Variants in ABCB4 observed in about 807,000 individuals in gnomAD.
ABCB4 encodes phosphatidylcholine translocator ABCB4.
ABCB4 carries 76 observed loss-of-function variants against 145.7 expected under a neutral mutation model. The ratio of observed to expected loss-of-function variants is 0.52; its 90% confidence interval spans 0.43 to 0.63. ABCB4 has a LOEUF of 0.63. ABCB4 is among the 30% of genes least tolerant of loss of function. ABCB4 has a pLI of 0.00. For missense variants in ABCB4, 1,234 were observed against 1,553.1 expected (o/e 0.79, Z 3.45); for synonymous variants, 517 against 566.8 (o/e 0.91, Z 1.25).
At chr7:87,416,893 C>T (rs1809011974) in intron 21 of ABCB4, among the ~76,000 whole-genome samples, 2 of 152,208 alleles carry the variant, frequency 1.3e-5, no homozygotes, top group Admixed American at 1.3e-4. Context: ...CTGGTGGCTG[C>T]CATCTTAATT....
chr7:87,475,960 G>C (rs2071645), upstream of ABCB4, among the ~76,000 whole-genome samples: 45,046 of 152,102 alleles, frequency 0.3, 8,831 homozygotes, highest in African/African-American at 0.56. Flanking sequence ...CCGAGATCAG[G>C]CTGGAGCCTC....
intron 21 of ABCB4, 69 bp downstream of exon 21, chr7:87,417,243 T>C: frequency 7.0e-7 from 1 of 1,436,080 alleles, no homozygotes; most frequent in Non-Finnish European, 9.8e-7. Context: ...CATATCATGA[T>C]AAATAATTCA....
intron 10 of ABCB4, 110 bp downstream of exon 10, chr7:87,444,752 G>A: frequency 2.7e-6 from 2 of 745,038 alleles, no homozygotes; most frequent in Admixed American, 4.5e-5. Flanking sequence ...TGTCACTTTA[G>A]TCAGTACAAC....
the ABCB4 span, among the ~76,000 whole-genome samples, chr7:87,373,940 T>C: frequency 1.7e-4 from 26 of 152,058 alleles, no homozygotes; most frequent in Admixed American, 1.7e-3. Flanking sequence ...GTGTCAAACA[T>C]TCTATAATGA....
At chr7:87,474,407 A>C (rs368593992) in intron 2 of ABCB4, among the ~76,000 whole-genome samples, 1 of 152,350 alleles carries the variant, frequency 6.6e-6, no homozygotes, top group African/African-American at 2.4e-5. Context: ...TGGTGCTTAG[A>C]AGAAATACAG....
At chr7:87,446,127 G>A (rs1009590007) in intron 9 of ABCB4, among the ~76,000 whole-genome samples, 9 of 152,136 alleles carry the variant, frequency 5.9e-5, no homozygotes, top group African/African-American at 1.9e-4. Context: ...TCACCAAGTC[G>A]AACACCCACA....
Position 87,431,536 on chromosome 7 carries a change from T to C in ABCB4, c.1761A>G (p.Ile587Met). 1 of 1,614,126 alleles carries C rather than the reference T, an allele frequency of 6.2e-7. No homozygotes were observed. Among genetic ancestry groups the C allele is most frequent in the Non-Finnish European group, 8.5e-7 (1 of 1,179,982 alleles). Residue 587 changes from isoleucine (I) to methionine (M), a missense_variant, in exon 15 of 28, where the codon ATA becomes ATG. Transcript: ENST00000649586. The part of the protein sequence containing the change: ...KAREGRTTIV[I>M]AHRLSTVRNA... ...TTCGGACCGTAGACAGTCGGTGTGC[T>C]ATCACAATGGTGGTCCGGCCTTCTC...
chr7:87,368,050 G>A, the ABCB4 span, among the ~76,000 whole-genome samples: 9 of 152,028 alleles, frequency 5.9e-5, no homozygotes, highest in South Asian at 2.1e-4. Flanking sequence ...CAGTATAATC[G>A]GGTCTCAACC....
intron 14 of ABCB4, among the ~76,000 whole-genome samples, chr7:87,431,816 G>T (rs954410256): frequency 2.2e-4 from 34 of 152,322 alleles, no homozygotes; most frequent in African/African-American, 7.9e-4. Flanking sequence ...CTATGGTAGT[G>T]TCAGTGTTTA....
Position 87,440,416 on chromosome 7 carries a change from A to T in ABCB4, c.1357-14T>A. ...ATCAATGTTAATCTGAAAGAAAGAA[A>T]TATTTCCTATTAAGTATTTAACCAT... is the stretch of plus-strand genomic sequence containing the variant. On this transcript the variant is annotated splice_polypyrimidine_tract_variant and intron_variant, in intron 12 of 27. Transcript: ENST00000649586. 1 of 1,608,934 alleles carries T rather than the reference A, an allele frequency of 6.2e-7. No homozygotes were observed. The highest frequency in any genetic ancestry group is 8.5e-7 in the Non-Finnish European group (1 of 1,175,518).
chr7:87,444,936 G>T lies in ABCB4; in HGVS notation c.1045C>A (p.Gln349Lys). 6.2e-7 allele frequency: 1 copy of T among 1,606,656 alleles called. No individual in the cohort carries two copies. ...AAAGCATCAATACATGGGGCAGCCT[G>T]GCCAACACTGAAAGCTCCAATTAGG... is the stretch of plus-strand genomic sequence containing the variant. ...SILIGAFSVGQAAPCIDAFAN... is the reference protein window; with the variant it reads ...SILIGAFSVGKAAPCIDAFAN... Residue 349 changes from glutamine (Q) to lysine (K), a missense_variant, in exon 10 of 28, where the codon CAG becomes AAG. This residue lies in a region of ABCB4 where 467 missense variants were observed against 632.8 expected (regional missense o/e 0.74). Transcript: ENST00000649586.
In ABCB4 at chr7:87,439,802, C is replaced by A; in HGVS notation, c.1596G>T (p.Gln532His). 6.2e-7 allele frequency: 1 copy of A among 1,614,216 alleles called. No homozygotes were observed. The highest frequency in any genetic ancestry group is 8.5e-7 in the Non-Finnish European group (1 of 1,180,026). ...TCCTCTGCTTCTGCCCACCACTCAG[C>A]TGGGCCCCTCTCTCTCCAACCAGGG... Reference protein sequence around the residue: ...FDTLVGERGAQLSGGQKQRIA... With the variant: ...FDTLVGERGAHLSGGQKQRIA... Residue 532 changes from glutamine (Q) to histidine (H), a missense_variant, in exon 14 of 28, where the codon CAG (glutamine) becomes CAT (histidine). Physicochemically the swap from Gln to His is conservative, Grantham distance 24. Transcript: ENST00000649586.
the ABCB4 span, chr7:87,392,646 T>TACA: frequency 6.2e-7 from 1 of 1,612,478 alleles, no homozygotes; most frequent in Non-Finnish European, 8.5e-7. Flanking sequence ...CTGGAAAAGG[T>TACA]ACTTAAGTTA....
At chr7:87,405,053 A>G (rs1221082570) in intron 26 of ABCB4, among the ~76,000 whole-genome samples, 1 of 152,242 alleles carries the variant, frequency 6.6e-6, no homozygotes, top group East Asian at 1.9e-4. Flanking sequence ...GAATTCATAC[A>G]GAAACCTGTA....
Position 87,475,645 on chromosome 7 carries a change from C to A in ABCB4, c.-18G>T, listed in dbSNP as rs886062461. ...CGGACCTCTCTCACCTCGAACCTCG[C>A]GCGTGTCTGGCAGGGCCTCTGGACG... On this transcript the variant is annotated 5_prime_UTR_variant, in exon 1 of 28. Coordinates refer to ENST00000649586, the MANE Select transcript of ABCB4 (RefSeq NM_000443.4). The A allele has an allele frequency of 1.3e-4, 85 of 665,332 alleles. No individual in the cohort carries two copies. The highest frequency in any genetic ancestry group is 2.7e-5 in the Non-Finnish European group (10 of 377,346). The allele number at this position is 665,332 out of a possible 1,614,324, so 41.2% of individuals were successfully genotyped here. A position where few individuals can be genotyped will look rare whatever the true frequency, so the allele number is the denominator to read the frequency against.
At chr7:87,409,585 G>A (rs922139299) in intron 23 of ABCB4, among the ~76,000 whole-genome samples, 193 bp from the exon 24 acceptor site, 3 of 152,148 alleles carry the variant, frequency 2.0e-5, no homozygotes, top group African/African-American at 7.2e-5. Flanking sequence ...CACTTCCTGA[G>A]GGTTTACCTT....
downstream of ABCB4, chr7:87,398,441 A>G (rs1584657345): frequency 1.3e-6 from 2 of 1,496,994 alleles, no homozygotes; most frequent in East Asian, 2.3e-5. Context: ...ATGAATATCC[A>G]GATGAAATAA....
chr7:87,447,410 C>T (rs139410949), intron 8 of ABCB4, among the ~76,000 whole-genome samples: 7 of 152,278 alleles, frequency 4.6e-5, no homozygotes, highest in South Asian at 4.1e-4. Context: ...TTTACTGGCC[C>T]GGTTCCATTT....
the ABCB4 span, among the ~76,000 whole-genome samples, chr7:87,380,262 G>A: frequency 6.6e-6 from 1 of 152,284 alleles, no homozygotes; most frequent in Admixed American, 6.5e-5. Flanking sequence ...TTATAAACCT[G>A]AAGTCAACTA....
Sources: allele counts gnomAD v4.1 joint callset (sites outside exome capture counted in the v4.1 genomes callset), GRCh38; gene constraint gnomAD v4.1.1; regional missense constraint gnomAD v4.1.1; transcripts MANE v1.5; gene names NCBI Gene and HGNC (gene_info 2026-07-23, HGNC 2026-07-21).